KIF16B: variants seen among roughly 807,000 people sequenced by gnomAD.
The protein encoded by KIF16B is kinesin family member 16B.
Under a neutral mutation model 156.3 loss-of-function variants are expected in KIF16B, and 98 were observed. The ratio of observed to expected loss-of-function variants is 0.63; its 90% CI spans 0.53 to 0.74. The LOEUF (loss-of-function observed/expected upper bound fraction) is 0.74. Among genes scored for constraint, KIF16B ranks in the 30% least tolerant of loss-of-function variants. The probability of loss-of-function intolerance (pLI) is 0.00; values close to 1 mark genes in which losing one functional copy is unlikely to be tolerated. For synonymous variants in KIF16B, 564 were observed against 583.7 expected (o/e 0.97, Z 0.49); for missense variants, 1,421 against 1,606.5 (o/e 0.88, Z 1.97).
intron 1 of KIF16B, among the ~76,000 whole-genome samples, chr20:16,541,404 A>C (rs981620408): frequency 1.3e-5 from 2 of 152,202 alleles, no homozygotes; most frequent in Non-Finnish European, 2.9e-5. Context: ...GCAGCTTGTG[A>C]GAAACTGGCA....
In KIF16B at chr20:16,379,362, C is replaced by G; in HGVS notation, c.2640G>C (p.Glu880Asp). The G allele has an allele frequency of 6.2e-7, 1 of 1,604,342 alleles. No homozygotes were observed. The highest frequency in any genetic ancestry group is 8.5e-7 in the Non-Finnish European group (1 of 1,175,632). Residue 880 changes from glutamate to aspartate, a missense_variant, in exon 19 of 26, where the codon GAG becomes GAC. Transcript: ENST00000354981. Reference protein sequence around the residue: ...KESRLLEKHDESVTDVTEVPQ... With the variant: ...KESRLLEKHDDSVTDVTEVPQ... ...GCACTTCCGTGACATCTGTGACACT[C>G]TCATCATGTTTTTCCAACAATCTAG...
chr20:16,348,383 G>A (rs918787805), intron 23 of KIF16B, among the ~76,000 whole-genome samples: 5 of 152,204 alleles, frequency 3.3e-5, no homozygotes, highest in African/African-American at 9.7e-5. Flanking sequence ...CCTTGGGCAA[G>A]TCATTCATAA....
intron 22 of KIF16B, among the ~76,000 whole-genome samples, chr20:16,364,838 A>G (rs1341134140): frequency 6.6e-6 from 1 of 152,238 alleles, no homozygotes; most frequent in Non-Finnish European, 1.5e-5. Context: ...AGCAGACTGC[A>G]GAAGTTATAA....
chr20:16,366,152 G>T, intron 22 of KIF16B, among the ~76,000 whole-genome samples: 1 of 152,154 alleles, frequency 6.6e-6, no homozygotes, highest in Non-Finnish European at 1.5e-5. Context: ...TACCTAGGAG[G>T]AGGCAGCTGA....
At chr20:16,349,090 T>C (rs750172631) in intron 23 of KIF16B, among the ~76,000 whole-genome samples, 25 of 152,182 alleles carry the variant, frequency 1.6e-4, no homozygotes, top group African/African-American at 4.8e-5. Context: ...CCTGCTTCCT[T>C]TCATGGAGAA....
intron 18 of KIF16B, among the ~76,000 whole-genome samples, chr20:16,381,309 G>A (rs188804060): frequency 6.6e-6 from 1 of 152,070 alleles, no homozygotes; most frequent in Non-Finnish European, 1.5e-5. Flanking sequence ...AAGCAGGCAG[G>A]TAGAAGGAAG....
chr20:16,495,877 G>A (rs565371756), intron 11 of KIF16B, among the ~76,000 whole-genome samples: 1 of 152,220 alleles, frequency 6.6e-6, no homozygotes, highest in East Asian at 1.9e-4. Context: ...TTTTTGTAAA[G>A]AGGAGGTCTC....
intron 15 of KIF16B, among the ~76,000 whole-genome samples, chr20:16,408,056 C>A (rs2065831331): frequency 6.6e-6 from 1 of 152,100 alleles, no homozygotes; most frequent in South Asian, 2.1e-4. Context: ...CTGGGCCCTG[C>A]AGGAAATATC....
intron 25 of KIF16B, among the ~76,000 whole-genome samples, chr20:16,302,773 G>T (rs1259201417): frequency 1.3e-5 from 2 of 152,144 alleles, no homozygotes; most frequent in Non-Finnish European, 2.9e-5. Context: ...AAAGTAAATG[G>T]TATTACGTTA....
At chr20:16,397,623 T>C (rs760838657) in intron 17 of KIF16B, among the ~76,000 whole-genome samples, 8 of 152,254 alleles carry the variant, frequency 5.3e-5, no homozygotes, top group Non-Finnish European at 7.3e-5. Flanking sequence ...AAACCAGTCA[T>C]TCTTTTGGAG....
intron 24 of KIF16B, among the ~76,000 whole-genome samples, chr20:16,313,138 C>T (rs2063646295): frequency 6.6e-6 from 1 of 152,176 alleles, no homozygotes; most frequent in African/African-American, 2.4e-5. Flanking sequence ...TGATGAGAAT[C>T]CAACTAGCCA....
At chr20:16,358,791 T>C (rs943560654) in intron 22 of KIF16B, among the ~76,000 whole-genome samples, 1 of 152,234 alleles carries the variant, frequency 6.6e-6, no homozygotes, top group Non-Finnish European at 1.5e-5. Flanking sequence ...GGAAGAACTA[T>C]GGTCAAAATT....
intron 25 of KIF16B, among the ~76,000 whole-genome samples, chr20:16,284,637 C>CG (rs2063196369): frequency 6.6e-6 from 1 of 152,154 alleles, no homozygotes; most frequent in Non-Finnish European, 1.5e-5. Context: ...TTCGCCATGT[C>CG]GTGTAGCACA....
intron 3 of KIF16B, among the ~76,000 whole-genome samples, chr20:16,522,312 G>A (rs2069382055): frequency 2.0e-5 from 3 of 152,086 alleles, no homozygotes; most frequent in Admixed American, 1.3e-4. Flanking sequence ...TCAAAATAAA[G>A]GGAGAGAAGA....
chr20:16,421,108 A>G (rs150107607), intron 15 of KIF16B, among the ~76,000 whole-genome samples: 60 of 152,252 alleles, frequency 3.9e-4, no homozygotes, highest in African/African-American at 1.3e-3. Context: ...ACCCATTTCC[A>G]AGAGACTTGG....
In KIF16B at chr20:16,436,562, T is replaced by C. The variant is rs139923344; in HGVS notation, c.1303-6580A>G. Among the ~76,000 whole-genome samples the C allele has an allele frequency of 2.5e-3, 374 of 152,262 alleles. 2 individuals are homozygous for C. Among genetic ancestry groups the C allele is most frequent in the African/African-American group, 8.4e-3 (351 of 41,562 alleles). Reference sequence around the variant, plus strand: ...AGGAAAATCAATTCTGTTCCTCCAATTTGAAGGTACAGTGGGGGGTATTCT... The same window carrying C: ...AGGAAAATCAATTCTGTTCCTCCAACTTGAAGGTACAGTGGGGGGTATTCT... On this transcript the variant is annotated intron_variant, in intron 12 of 25. Coordinates refer to ENST00000354981, the MANE Select transcript of KIF16B (RefSeq NM_024704.5).
intron 12 of KIF16B, among the ~76,000 whole-genome samples, chr20:16,458,149 G>T (rs2146655391): frequency 6.6e-6 from 1 of 152,258 alleles, no homozygotes. Flanking sequence ...ACCCACAAAG[G>T]CACTGATGGC....
intron 24 of KIF16B, among the ~76,000 whole-genome samples, chr20:16,323,243 T>C (rs921437590): frequency 2.6e-5 from 4 of 152,000 alleles, no homozygotes; most frequent in Non-Finnish European, 1.5e-5. Flanking sequence ...AAATACAACA[T>C]AGCACTCGAA....
Position 16,508,011 on chromosome 20 carries a change from T to C in KIF16B, c.646A>G (p.Met216Val), listed in dbSNP as rs1199373875. 1 of 1,614,170 alleles carries C rather than the reference T, an allele frequency of 6.2e-7. No homozygotes were observed. Among genetic ancestry groups the C allele is most frequent in the Non-Finnish European group, 8.5e-7 (1 of 1,180,016 alleles). ...TGAGACCTGCTACTGACGTCGTTCA[T>C]CCCAGTCGCTGCGGTGGTCCGGTTG... ...NINRTTAATGMNDVSSRSHAI... is the reference protein window; with the variant it reads ...NINRTTAATGVNDVSSRSHAI... Residue 216 changes from methionine (M) to valine (V), a missense_variant, in exon 7 of 26, where the codon ATG (methionine) becomes GTG (valine). Physicochemically the swap from Met to Val is conservative, Grantham distance 21. Transcript: ENST00000354981.
Sources: allele counts gnomAD v4.1 joint callset (sites outside exome capture counted in the v4.1 genomes callset), GRCh38; gene constraint gnomAD v4.1.1; transcripts MANE v1.5; gene names NCBI Gene and HGNC (gene_info 2026-07-23, HGNC 2026-07-21).